PTPRK: variants seen among roughly 807,000 people sequenced by gnomAD.
The protein encoded by PTPRK is protein tyrosine phosphatase receptor type K.
In PTPRK, 75 loss-of-function variants were observed where a neutral mutation model predicts 178.0. That is an observed-to-expected ratio of 0.42 (90% CI 0.35 to 0.51). The LOEUF is 0.51. PTPRK is among the 20% of genes least tolerant of loss of function. The pLI is 0.02. For missense variants in PTPRK, 1,441 were observed against 1,797.8 expected, an observed-to-expected ratio of 0.80 and a Z score of 3.59; for synonymous variants, 637 against 620.6, an observed-to-expected ratio of 1.03 and a Z score of -0.39.
At chr6:128,415,773 C>T (rs1260080218) in intron 1 of PTPRK, among the ~76,000 whole-genome samples, 1 of 152,078 alleles carries the variant, frequency 6.6e-6, no homozygotes, top group African/African-American at 2.4e-5. Flanking sequence ...CACTCAATCA[C>T]AGTAATCTGT....
chr6:128,212,314 GGC>G (rs1808345199), intron 6 of PTPRK, among the ~76,000 whole-genome samples: 3 of 151,898 alleles, frequency 2.0e-5, no homozygotes, highest in African/African-American at 7.3e-5. Flanking sequence ...ACTCAATAAA[GGC>G]TGCTAGCTGA....
At chr6:128,029,687 A>ATCATC (rs1554272726) in intron 13 of PTPRK, among the ~76,000 whole-genome samples, 1 of 140,142 alleles carries the variant, frequency 7.1e-6, no homozygotes, top group Admixed American at 7.3e-5. Flanking sequence ...TAATAATAAT[A>ATCATC]ATCCAGCCTC....
At chr6:127,995,289 G>A in intron 18 of PTPRK, 173 bp downstream of exon 18, 4 of 1,606,492 alleles carry the variant, frequency 2.5e-6, no homozygotes, top group Non-Finnish European at 3.4e-6. Flanking sequence ...CCAAAGTCAG[G>A]TGTGAAAGAA....
chr6:128,095,874 C>G (rs971907498), intron 7 of PTPRK, among the ~76,000 whole-genome samples: 2 of 152,110 alleles, frequency 1.3e-5, no homozygotes, highest in African/African-American at 4.8e-5. Flanking sequence ...TCCAGTAAGT[C>G]CAAGGAAAAC....
At chr6:128,193,280 GAAAA>G (rs778872277) in intron 6 of PTPRK, among the ~76,000 whole-genome samples, 378 of 57,722 alleles carry the variant, frequency 6.5e-3, no homozygotes, top group Middle Eastern at 0.021. Context: ...TCCAGCTTGT[GAAAA>G]AAAAAAAAAA....
intron 6 of PTPRK, among the ~76,000 whole-genome samples, chr6:128,211,164 C>G (rs1175530750): frequency 6.6e-6 from 1 of 151,986 alleles, no homozygotes; most frequent in Non-Finnish European, 1.5e-5. Flanking sequence ...AAAGCCTGTA[C>G]AAGAAGAGAC....
chr6:128,082,718 T>C, intron 9 of PTPRK, 80 bp from the exon 10 acceptor site: 2 of 1,051,316 alleles, frequency 1.9e-6, no homozygotes, highest in Non-Finnish European at 1.3e-6. Flanking sequence ...AATAAGGTAG[T>C]ATGCAAGGGC....
At chr6:128,091,831 T>A (rs1233732958) in intron 7 of PTPRK, among the ~76,000 whole-genome samples, 2 of 152,198 alleles carry the variant, frequency 1.3e-5, no homozygotes, top group Non-Finnish European at 2.9e-5. Context: ...TTTCATTTTG[T>A]CTATTTAGTC....
chr6:128,188,062 C>T (rs1348786081), intron 6 of PTPRK, among the ~76,000 whole-genome samples: 2 of 151,990 alleles, frequency 1.3e-5, no homozygotes, highest in Admixed American at 6.6e-5. Flanking sequence ...CACAACCAGA[C>T]CCAGAAGTGA....
intron 6 of PTPRK, among the ~76,000 whole-genome samples, chr6:128,192,300 C>T (rs370273849): frequency 2.6e-5 from 4 of 152,024 alleles, no homozygotes; most frequent in Admixed American, 1.3e-4. Flanking sequence ...AGAAAACATA[C>T]CAAAAAGTTA....
intron 2 of PTPRK, among the ~76,000 whole-genome samples, chr6:128,382,847 A>T (rs886626173): frequency 9.2e-5 from 14 of 152,178 alleles, no homozygotes. Context: ...GATGTAGAGC[A>T]TTTGAAATTT....
intron 13 of PTPRK, among the ~76,000 whole-genome samples, chr6:128,016,149 A>G (rs1282422381): frequency 6.6e-6 from 1 of 151,844 alleles, no homozygotes; most frequent in African/African-American, 2.4e-5. Flanking sequence ...TAGGACCCCT[A>G]TTACAAAAGA....
At chr6:128,000,444 C>T (rs964039499) in intron 15 of PTPRK, 2 of 615,568 alleles carry the variant, frequency 3.2e-6, no homozygotes, top group Non-Finnish European at 4.4e-6. Context: ...CTTTTTGTAG[C>T]ATTCATTCCT....
At chr6:128,187,482 G>C (rs1478993779) in intron 6 of PTPRK, among the ~76,000 whole-genome samples, 1 of 152,036 alleles carries the variant, frequency 6.6e-6, no homozygotes, top group Non-Finnish European at 1.5e-5. Context: ...GGCATTATTT[G>C]AAGAATTTTT....
chr6:128,468,199 G>T (rs1054235379), intron 1 of PTPRK, among the ~76,000 whole-genome samples: 1 of 152,170 alleles, frequency 6.6e-6, no homozygotes, highest in African/African-American at 2.4e-5. Context: ...ATGATGGAGA[G>T]GGCAACACTT....
chr6:128,459,140 G>A (rs1289626058), intron 1 of PTPRK, among the ~76,000 whole-genome samples: 2 of 152,096 alleles, frequency 1.3e-5, no homozygotes, highest in Non-Finnish European at 2.9e-5. Flanking sequence ...TTTGGAAAAT[G>A]AGTAGGATAA....
intron 13 of PTPRK, among the ~76,000 whole-genome samples, chr6:128,035,829 C>T (rs1466865290): frequency 1.3e-5 from 2 of 151,900 alleles, no homozygotes; most frequent in African/African-American, 4.8e-5. Flanking sequence ...AAGGGCAGGG[C>T]TGATAGACAT....
At chr6:128,482,758 G>T (rs979932987) in intron 1 of PTPRK, among the ~76,000 whole-genome samples, 3 of 152,168 alleles carry the variant, frequency 2.0e-5, no homozygotes, top group Non-Finnish European at 4.4e-5. Context: ...TCTACTGTTT[G>T]CAATCAACAA....
At chr6:128,126,325 T>C (rs1323783248) in intron 7 of PTPRK, among the ~76,000 whole-genome samples, 2 of 152,194 alleles carry the variant, frequency 1.3e-5, no homozygotes, top group Non-Finnish European at 2.9e-5. Flanking sequence ...TTTCTTTTTA[T>C]TCCTTTTTAT....
Sources: gnomAD v4.1 joint callset for allele counts (sites outside exome capture counted in the v4.1 genomes callset) on GRCh38, gnomAD v4.1.1 for gene constraint, MANE v1.5 for transcripts, NCBI Gene and HGNC (gene_info 2026-07-23, HGNC 2026-07-21) for gene names.